WDR18: variants seen among roughly 807,000 people sequenced by gnomAD.
WDR18 encodes WD repeat domain 18, also known as WD repeat-containing protein 18.
In WDR18, 33 loss-of-function variants were observed where a neutral mutation model predicts 49.6. That is an observed-to-expected ratio of 0.67 (90% confidence interval 0.50 to 0.89). The LOEUF (loss-of-function observed/expected upper bound fraction) is 0.89, where lower values mean the gene tolerates loss of function less well. WDR18 is among the 40% of genes least tolerant of loss of function. The pLI, the probability that WDR18 is intolerant of heterozygous loss-of-function variation, is 0.00. For missense variants in WDR18, 653 were observed against 593.6 expected (o/e 1.10, Z -1.04); for synonymous variants, 315 against 263.6 (o/e 1.19, Z -1.89).
upstream of WDR18, chr19:984,273 G>A (rs1455790276): frequency 5.0e-5 from 68 of 1,350,376 alleles, no homozygotes; most frequent in Non-Finnish European, 6.5e-5. Flanking sequence ...GGGGCCGCGG[G>A]GCCGCCGCTC....
At chr19:988,994 G>C (rs901589041) in intron 2 of WDR18, among the ~76,000 whole-genome samples, 2 of 150,886 alleles carry the variant, frequency 1.3e-5, no homozygotes, top group African/African-American at 4.9e-5. Flanking sequence ...ACCCCCACCA[G>C]AGCATCTCAG....
intron 3 of WDR18, 41 bp from the exon 4 acceptor site, chr19:990,182 T>A (rs1460138665): frequency 1.9e-6 from 3 of 1,563,370 alleles, no homozygotes; most frequent in Non-Finnish European, 2.6e-6. Flanking sequence ...CCCTGTTCCC[T>A]CCGCTCCCCG....
Position 990,367 on chromosome 19 carries a change from A to G in WDR18, c.597+3A>G. 1.3e-6 allele frequency: 2 copies of G among 1,545,480 alleles called. No homozygotes were observed. Among genetic ancestry groups the G allele is most frequent in the Non-Finnish European group, 1.7e-6 (2 of 1,152,706 alleles). On this transcript the variant is annotated splice_donor_region_variant and intron_variant, in intron 4 of 9. Coordinates refer to ENST00000585809, the MANE Select transcript of WDR18 (RefSeq NM_024100.4). ...CCTCACTGGACCAGACGGTGAAGGTACGCCGCCCCCACCCCACCACGGTCC... is the reference window on the plus strand; with the variant it reads ...CCTCACTGGACCAGACGGTGAAGGTGCGCCGCCCCCACCCCACCACGGTCC...
intron 2 of WDR18, among the ~76,000 whole-genome samples, chr19:986,974 G>A (rs2038481832): frequency 6.6e-6 from 1 of 152,210 alleles, no homozygotes; most frequent in African/African-American, 2.4e-5. Flanking sequence ...TCCTGACCTT[G>A]TCCTTGCTTC....
At position 991,946 on chromosome 19, in the gene WDR18, G is replaced by GC. The variant is rs781316581; in HGVS notation, c.932-3dup. 1.7e-5 allele frequency: 26 copies of GC among 1,566,764 alleles called. No individual in the cohort carries two copies. The highest frequency in any genetic ancestry group is 9.8e-5 in the African/African-American group (7 of 71,688). ...GGATGGGGCGGGGCCTGACCTCCGC[G>GC]CCCCCCAGGCCCAGTCACCAATGCC... is the stretch of plus-strand genomic sequence containing the variant. On this transcript the variant is annotated splice_polypyrimidine_tract_variant and intron_variant, in intron 7 of 9. Transcript: ENST00000585809.
At chr19:987,574 C>T (rs1369335247) in intron 2 of WDR18, among the ~76,000 whole-genome samples, 1 of 151,864 alleles carries the variant, frequency 6.6e-6, no homozygotes, top group African/African-American at 2.4e-5. Flanking sequence ...CATCTCACTC[C>T]ATGATTTTGA....
At chr19:989,696 C>A in intron 2 of WDR18, 66 bp from the exon 3 acceptor site, 2 of 1,594,006 alleles carry the variant, frequency 1.3e-6, no homozygotes, top group Non-Finnish European at 1.7e-6. Flanking sequence ...GTTCCTGGGG[C>A]TGCAGCCCCC....
At position 984,387 on chromosome 19, in the gene WDR18, G is replaced by C. The variant is rs1292599917; in HGVS notation, c.34G>C (p.Asp12His). ...GCCCATGGAGGTGGCCGTGTGTACG[G>C]ACTCGGCGGCCCCGATGTGGAGCTG... The part of the protein sequence containing the change: ...AAPMEVAVCT[D>H]SAAPMWSCIV... The change falls in exon 1 of 10, where the codon GAC becomes CAC. Residue 12 changes from aspartate (D) to histidine (H), a missense_variant. By Grantham distance (81) the Asp-to-His change is moderately conservative. Transcript: ENST00000585809. 1.9e-6 allele frequency: 3 copies of C among 1,601,096 alleles called. No homozygotes were observed. The highest frequency in any genetic ancestry group is 2.6e-6 in the Non-Finnish European group (3 of 1,175,570).
In WDR18 at chr19:984,407, G is replaced by T. The variant is rs1440108389; in HGVS notation, c.54G>T (p.Trp18Cys). Residue 18 changes from tryptophan to cysteine, a missense_variant, in exon 1 of 10, where the codon TGG becomes TGT. Transcript: ENST00000585809. ...AVCTDSAAPMWSCIVWELHSG... is the reference protein window; with the variant it reads ...AVCTDSAAPMCSCIVWELHSG... Reference sequence around the variant, plus strand: ...GTACGGACTCGGCGGCCCCGATGTGGAGCTGCATCGTGTGGGAACTTCACT... The same window carrying T: ...GTACGGACTCGGCGGCCCCGATGTGTAGCTGCATCGTGTGGGAACTTCACT... The T allele has an allele frequency of 2.9e-5, 47 of 1,605,470 alleles. No homozygotes were observed. Among genetic ancestry groups the T allele is most frequent in the Non-Finnish European group, 3.8e-5 (45 of 1,177,272 alleles).
rs1273584875 is a variant in WDR18 at position 994,366 on chromosome 19, G to A, written c.*22G>A. 3 of 1,594,278 alleles carry A rather than the reference G, an allele frequency of 1.9e-6. No individual in the cohort carries two copies. The highest frequency in any genetic ancestry group is 1.3e-5 in the African/African-American group (1 of 74,698). On this transcript the variant is annotated 3_prime_UTR_variant, in exon 10 of 10. Coordinates refer to ENST00000585809, the MANE Select transcript of WDR18 (RefSeq NM_024100.4). ...GTGAGGCCCGGAGACCCCGGCCCGA[G>A]GCGCCCAGGCCTGAGCCCCATGCCT...
intron 3 of WDR18, 106 bp from the exon 4 acceptor site, chr19:990,117 G>A: frequency 7.0e-7 from 1 of 1,420,056 alleles, no homozygotes; most frequent in South Asian, 1.4e-5. Flanking sequence ...AGGCAGGCCA[G>A]GCTGCTGAGT....
chr19:992,032 C>T lies in WDR18; in HGVS notation c.1009C>T (p.Pro337Ser), dbSNP rs752293037. 4.0e-5 allele frequency: 64 copies of T among 1,592,926 alleles called. 1 individual carries two copies. The highest frequency in any genetic ancestry group is 4.9e-5 in the Non-Finnish European group (57 of 1,173,824). ...SSDFRPSLPL[P>S]HFNKHLLGAE... Reference sequence around the variant, plus strand: ...AGACTTCAGGCCCAGCCTGCCGCTGCCCCACTTCAACAAGCACCTGCTGGG... The same window carrying T: ...AGACTTCAGGCCCAGCCTGCCGCTGTCCCACTTCAACAAGCACCTGCTGGG... The change falls in exon 8 of 10, where the codon CCC becomes TCC. Residue 337 changes from proline (P) to serine (S), a missense_variant. Physicochemically the swap from Pro to Ser is moderately conservative, Grantham distance 74. Coordinates refer to ENST00000585809, the MANE Select transcript of WDR18 (RefSeq NM_024100.4).
chr19:991,178 G>A, intron 6 of WDR18, 33 bp downstream of exon 6: 3 of 1,499,634 alleles, frequency 2.0e-6, no homozygotes, highest in South Asian at 1.2e-5. Flanking sequence ...GGGGCTCCCA[G>A]GCACGTCCTG....
rs4806884 is a variant in WDR18 at position 984,554 on chromosome 19, C to G, written c.201C>G (p.Leu67=). 0.5 allele frequency: 742,683 copies of G among 1,489,912 alleles called. 189,367 individuals are homozygous for G. Among genetic ancestry groups the G allele is most frequent in the Non-Finnish European group, 0.53 (595,376 of 1,118,344 alleles). 92.3% of individuals were successfully genotyped at this position (1,489,912 alleles called of 1,614,324 possible). Residue 67 remains leucine (L), a synonymous_variant, in exon 1 of 10, where the codon CTC becomes CTG. Transcript: ENST00000585809. ...AGAATTACATCAGCGCCTGGGAGCT[C>G]CAGCGGAAGGTGCGGCGGTGCGGTC... ...LGKNYISAWE[L]QRKDQLQQKI... is the part of the protein sequence containing the mutation.
chr19:985,797 C>G lies in WDR18; in HGVS notation c.211-68C>G, dbSNP rs1178639209. On this transcript the variant is annotated intron_variant, in intron 1 of 9. Coordinates refer to ENST00000585809, the MANE Select transcript of WDR18 (RefSeq NM_024100.4). The stretch of plus-strand genomic sequence containing the variant: ...CCATTGCCCAGGCGTCCCCTCCCCT[C>G]GCCCTCCACTGCTGTAGTAGCTCCC... 89 of 1,491,036 alleles carry G rather than the reference C, an allele frequency of 6.0e-5. 3 individuals are homozygous for G. In the East Asian group the frequency reaches 2.0e-3, roughly 34 times the overall value. The allele number at this position is 1,491,036 out of a possible 1,614,324, so 92.4% of individuals were successfully genotyped here.
intron 7 of WDR18, 134 bp from the exon 8 acceptor site, chr19:991,821 G>A (rs2038558022): frequency 8.6e-6 from 9 of 1,043,186 alleles, no homozygotes; most frequent in Non-Finnish European, 1.3e-6. Flanking sequence ...GGCGGGGCCT[G>A]GCTGGGGGCG....
In WDR18 at chr19:989,626, C is replaced by T. The variant is rs373762952; in HGVS notation, c.322-136C>T. On this transcript the variant is annotated intron_variant, in intron 2 of 9. Coordinates refer to ENST00000585809, the MANE Select transcript of WDR18 (RefSeq NM_024100.4). The stretch of plus-strand genomic sequence containing the variant: ...GGCCGCTGCCCTGACAGGGTCACCC[C>T]GCAGTCCTGGGGCAGGGCAGGCAGG... 1.3e-4 allele frequency: 164 copies of T among 1,299,216 alleles called. No homozygotes were observed. In the African/African-American group the frequency reaches 2.1e-3, roughly 17 times the overall value. The allele number at this position is 1,299,216 out of a possible 1,614,324, so 80.5% of individuals were successfully genotyped here.
At chr19:993,380 C>T (rs535511027) in intron 8 of WDR18, among the ~76,000 whole-genome samples, 24 of 152,344 alleles carry the variant, frequency 1.6e-4, no homozygotes, top group Non-Finnish European at 3.1e-4. Flanking sequence ...CCATGCCCTC[C>T]GGTAATGCCG....
At chr19:992,808 G>A (rs1335199042) in intron 8 of WDR18, among the ~76,000 whole-genome samples, 2 of 152,214 alleles carry the variant, frequency 1.3e-5, no homozygotes, top group Admixed American at 6.5e-5. Flanking sequence ...CTCACTCCCC[G>A]ACCTTCGATG....
Sources: gnomAD v4.1 joint callset for allele counts (sites outside exome capture counted in the v4.1 genomes callset) on GRCh38, gnomAD v4.1.1 for gene constraint, MANE v1.5 for transcripts, NCBI Gene and HGNC (gene_info 2026-07-23, HGNC 2026-07-21) for gene names.